The following TMEM63C variants were observed in gnomAD, a reference collection of about 807,000 sequenced individuals.
TMEM63C encodes transmembrane protein 63C.
Under a neutral mutation model 99.2 loss-of-function variants are expected in TMEM63C, and 32 were observed. The observed-to-expected ratio is 0.32, with a 90% CI of 0.24 to 0.43. The LOEUF is 0.43. TMEM63C is among the 20% of genes least tolerant of loss of function. The pLI, the probability that TMEM63C is intolerant of heterozygous loss-of-function variation, is 1.00. For synonymous variants in TMEM63C, 376 were observed against 397.9 expected, an observed-to-expected ratio of 0.94 and a Z score of 0.66; for missense variants, 826 against 1,053.0, an observed-to-expected ratio of 0.78 and a Z score of 2.98.
chr14:77,243,437 G>A (rs1027995494), intron 15 of TMEM63C, among the ~76,000 whole-genome samples: 14 of 152,130 alleles, frequency 9.2e-5, no homozygotes, highest in African/African-American at 3.1e-4. Context: ...TCTGCAAGTT[G>A]TCCGAGGCAG....
At chr14:77,186,776 G>GTTGTGTGTGTGT (rs1888001342) in intron 1 of TMEM63C, among the ~76,000 whole-genome samples, 1 of 138,438 alleles carries the variant, frequency 7.2e-6, no homozygotes, top group Non-Finnish European at 1.6e-5. Context: ...GAACCAAAGG[G>GTTGTGTGTGTGT]GTGTGTGTGT....
intron 21 of TMEM63C, 160 bp from the exon 22 acceptor site, chr14:77,251,629 A>C: frequency 1.6e-6 from 1 of 621,992 alleles, no homozygotes; most frequent in South Asian, 1.9e-5. Context: ...CAAAGGGATG[A>C]TGTTATTTTG....
chr14:77,238,566 C>A, intron 9 of TMEM63C, 128 bp from the exon 10 acceptor site: 1 of 726,208 alleles, frequency 1.4e-6, no homozygotes, highest in Non-Finnish European at 2.3e-6. Context: ...GCTCTCTCAG[C>A]AAGGAGGCAC....
chr14:77,225,218 G>T (rs1489658316), intron 5 of TMEM63C, among the ~76,000 whole-genome samples: 3 of 152,168 alleles, frequency 2.0e-5, no homozygotes, highest in Non-Finnish European at 4.4e-5. Flanking sequence ...TAACAGGAGG[G>T]CAGAGATGTC....
Position 77,256,867 on chromosome 14 carries a change from G to A in TMEM63C, c.*141G>A. 1.3e-6 allele frequency: 1 copy of A among 772,288 alleles called. No homozygotes were observed. The highest frequency in any genetic ancestry group is 2.0e-6 in the Non-Finnish European group (1 of 489,004). The allele number at this position is 772,288 out of a possible 1,614,324, so 47.8% of individuals were successfully genotyped here. A position where few individuals can be genotyped will look rare whatever the true frequency, so the allele number is the denominator to read the frequency against. On this transcript the variant is annotated 3_prime_UTR_variant, in exon 24 of 24. Coordinates refer to ENST00000298351, the MANE Select transcript of TMEM63C (RefSeq NM_020431.4). ...CACAGTGGAGACATCCACCACCCCA[G>A]CCATGGGCCATACGGGGGTCCTGAC... is the stretch of plus-strand genomic sequence containing the variant.
At chr14:77,187,522 G>T (rs781119840) in intron 1 of TMEM63C, among the ~76,000 whole-genome samples, 1 of 152,366 alleles carries the variant, frequency 6.6e-6, no homozygotes, top group East Asian at 1.9e-4. Context: ...CCATGGAGGG[G>T]CTTCTTGGGG....
chr14:77,233,915 C>A (rs576779995), intron 8 of TMEM63C, among the ~76,000 whole-genome samples: 6 of 152,322 alleles, frequency 3.9e-5, no homozygotes, highest in African/African-American at 1.2e-4. Context: ...AGTCCCACAG[C>A]AGACTCGTGC....
At chr14:77,190,117 G>GATT (rs78866424) in intron 1 of TMEM63C, among the ~76,000 whole-genome samples, 14,419 of 56,252 alleles carry the variant, frequency 0.26, 1,016 homozygotes, top group African/African-American at 0.42. Context: ...ATAGAATTAT[G>GATT]ATTATTATTA....
chr14:77,248,486 C>G lies in TMEM63C; in HGVS notation c.1741C>G (p.Pro581Ala). Residue 581 changes from proline (P) to alanine (A), a missense_variant, in exon 19 of 24, where the codon CCA becomes GCA. Transcript: ENST00000298351. ...STRLFFSRSE[P>A]ERVNIRKNQA... ...CCGCCTCTTCTTCTCTAGATCAGAG[C>G]CAGAGAGAGTCAACATCAGAAAGGT... 6.3e-7 allele frequency: 1 copy of G among 1,590,566 alleles called. No homozygotes were observed. Among genetic ancestry groups the G allele is most frequent in the Non-Finnish European group, 8.6e-7 (1 of 1,168,544 alleles).
chr14:77,213,025 T>C (rs1246853708), intron 1 of TMEM63C, among the ~76,000 whole-genome samples: 1 of 152,230 alleles, frequency 6.6e-6, no homozygotes, highest in East Asian at 1.9e-4. Context: ...ACTCAATGAA[T>C]TCTTGTTGAA....
At chr14:77,254,843 A>AAAG (rs952402326) in intron 23 of TMEM63C, among the ~76,000 whole-genome samples, 12 of 151,256 alleles carry the variant, frequency 7.9e-5, no homozygotes, top group African/African-American at 3.0e-4. Flanking sequence ...AAGAAAATAA[A>AAAG]AAGTCCATAT....
At chr14:77,195,025 G>A (rs930158227) in intron 1 of TMEM63C, among the ~76,000 whole-genome samples, 5 of 152,066 alleles carry the variant, frequency 3.3e-5, no homozygotes, top group East Asian at 1.9e-4. Context: ...AGGCGGAGGC[G>A]AGAGGATCAA....
chr14:77,242,947 T>C lies in TMEM63C; in HGVS notation c.1232T>C (p.Ile411Thr), dbSNP rs1460044127. ...CGCTTCTTTTGGTGGGCCCGCTTTA[T>C]CGCAATCAACACCTTCCTCTTCTTC... ...VRRFFWWARF[I>T]AINTFLFFLF... The change falls in exon 15 of 24, where the codon ATC (isoleucine) becomes ACC (threonine). Residue 411 changes from isoleucine to threonine, a missense_variant. Transcript: ENST00000298351. 3 of 1,613,896 alleles carry C rather than the reference T, an allele frequency of 1.9e-6. No homozygotes were observed. The South Asian group carries it at 3.3e-5, about 18-fold the overall frequency.
intron 4 of TMEM63C, 53 bp from the exon 5 acceptor site, chr14:77,219,953 G>GGCGTGGTGTGCACAGGAAGAAACA: frequency 6.6e-7 from 1 of 1,519,598 alleles, no homozygotes; most frequent in Non-Finnish European, 8.9e-7. Context: ...AGGGCAGGCA[G>GGCGTGGTGTGCACAGGAAGAAACA]CTGAGAACTT....
intron 6 of TMEM63C, among the ~76,000 whole-genome samples, chr14:77,228,894 T>A (rs1888883898): frequency 2.0e-5 from 3 of 152,190 alleles, no homozygotes; most frequent in South Asian, 4.1e-4. Context: ...CCTACAATCC[T>A]GACAAGGGGG....
Position 77,251,890 on chromosome 14 carries a change from G to A in TMEM63C, c.2140G>A (p.Asp714Asn), listed in dbSNP as rs1212995462. The part of the protein sequence containing the change: ...IFLGKLRMVA[D>N]YEPEEEEIQT... Reference sequence around the variant, plus strand: ...TCTGGGGAAGCTTCGGATGGTTGCCGACTACGAGGTGAGTTGCCAGCCTGC... The same window carrying A: ...TCTGGGGAAGCTTCGGATGGTTGCCAACTACGAGGTGAGTTGCCAGCCTGC... Residue 714 changes from aspartate (D) to asparagine (N), a missense_variant, in exon 22 of 24, where the codon GAC becomes AAC. Coordinates refer to ENST00000298351, the MANE Select transcript of TMEM63C (RefSeq NM_020431.4). 20 of 1,613,022 alleles carry A rather than the reference G, an allele frequency of 1.2e-5. No homozygotes were observed. In the East Asian group the frequency reaches 1.8e-4, roughly 14 times the overall value.
intron 15 of TMEM63C, among the ~76,000 whole-genome samples, chr14:77,243,764 C>T (rs1004834951): frequency 3.4e-4 from 51 of 152,136 alleles, no homozygotes; most frequent in African/African-American, 1.1e-3. Context: ...CATGTGCATG[C>T]GCACATGCAC....
intron 21 of TMEM63C, chr14:77,251,560 T>C (rs1051700247): frequency 5.5e-6 from 3 of 546,120 alleles, no homozygotes; most frequent in African/African-American, 1.9e-5. Flanking sequence ...CTGCAGTGGG[T>C]ACTGAAGTCA....
intron 1 of TMEM63C, among the ~76,000 whole-genome samples, chr14:77,201,880 C>T (rs1888306495): frequency 6.6e-6 from 1 of 152,228 alleles, no homozygotes; most frequent in Admixed American, 6.5e-5. Context: ...TGGACCCCCA[C>T]TCCTGAGGCT....
Sources: allele counts gnomAD v4.1 joint callset (sites outside exome capture counted in the v4.1 genomes callset), GRCh38; gene constraint gnomAD v4.1.1; transcripts MANE v1.5; gene names NCBI Gene and HGNC (gene_info 2026-07-23, HGNC 2026-07-21).